ACSS3: variants seen among roughly 807,000 people sequenced by gnomAD.
The protein encoded by ACSS3 is acyl-CoA synthetase short chain family member 3.
ACSS3 carries 64 observed loss-of-function variants against 84.2 expected under a neutral mutation model. The observed-to-expected ratio is 0.76, with a 90% CI of 0.62 to 0.94. ACSS3 has a LOEUF of 0.94. ACSS3 is among the 40% of genes least tolerant of loss of function. The pLI, the probability that ACSS3 is intolerant of heterozygous loss-of-function variation, is 0.00. For synonymous variants in ACSS3, 317 were observed against 310.1 expected, an observed-to-expected ratio of 1.02 and a Z score of -0.23; for missense variants, 815 against 867.6, an observed-to-expected ratio of 0.94 and a Z score of 0.76.
chr12:81,107,549 T>TATATATAC (rs1883163172), intron 1 of ACSS3, among the ~76,000 whole-genome samples: 1 of 119,054 alleles, frequency 8.4e-6, no homozygotes, highest in South Asian at 2.7e-4. Flanking sequence ...TATATATATA[T>TATATATAC]ATATATATAT....
chr12:81,079,664 G>T (rs1303672695), intron 1 of ACSS3, among the ~76,000 whole-genome samples: 1 of 152,148 alleles, frequency 6.6e-6, no homozygotes, highest in South Asian at 2.1e-4. Flanking sequence ...ACAAGACACT[G>T]GGTGTTCAAC....
At chr12:81,254,508 T>A (rs1249959908) in intron 15 of ACSS3, among the ~76,000 whole-genome samples, 1 of 152,116 alleles carries the variant, frequency 6.6e-6, no homozygotes, top group Admixed American at 6.6e-5. Flanking sequence ...ATTTTTATCA[T>A]TAAGATAATA....
intron 1 of ACSS3, among the ~76,000 whole-genome samples, chr12:81,091,457 G>T (rs1385113462): frequency 6.6e-6 from 1 of 151,724 alleles, no homozygotes; most frequent in African/African-American, 2.4e-5. Context: ...AAAAATATTG[G>T]GTCTTGACTG....
chr12:81,161,109 A>C (rs944716514), intron 7 of ACSS3, among the ~76,000 whole-genome samples: 1 of 152,262 alleles, frequency 6.6e-6, no homozygotes, highest in African/African-American at 2.4e-5. Context: ...CCTGTAATCC[A>C]GTCACTTAAA....
chr12:81,134,635 A>G (rs1885691381), intron 2 of ACSS3, among the ~76,000 whole-genome samples, 181 bp from the exon 3 acceptor site: 1 of 152,174 alleles, frequency 6.6e-6, no homozygotes, highest in African/African-American at 2.4e-5. Flanking sequence ...ATCAATGATT[A>G]TAATACAATT....
At chr12:81,238,603 T>A (rs867093854) in intron 13 of ACSS3, among the ~76,000 whole-genome samples, 7 of 151,834 alleles carry the variant, frequency 4.6e-5, no homozygotes, top group Middle Eastern at 3.2e-3. Flanking sequence ...TCAGATTGTG[T>A]CTTTCAAGAA....
chr12:81,221,245 T>C (rs1018666386), intron 11 of ACSS3, among the ~76,000 whole-genome samples: 6 of 152,092 alleles, frequency 3.9e-5, no homozygotes, highest in Non-Finnish European at 8.8e-5. Context: ...CTGATTAACA[T>C]GATATTGACA....
intron 9 of ACSS3, among the ~76,000 whole-genome samples, chr12:81,213,583 TCCCCTCCCCTCCCCTCCCCTCCCCTCCC>T (rs2032687219): frequency 4.3e-5 from 1 of 23,068 alleles, no homozygotes; most frequent in African/African-American, 2.0e-4. Context: ...TCTCCTCTCC[TCCCCTCCCCTCCCCTCCCCTCCCCTCCC>T]CTCCCCTCCT....
intron 7 of ACSS3, among the ~76,000 whole-genome samples, chr12:81,162,813 G>A (rs1343075121): frequency 6.6e-6 from 1 of 152,184 alleles, no homozygotes; most frequent in Non-Finnish European, 1.5e-5. Context: ...GGGGGCCAAG[G>A]AGGTAGGGGG....
chr12:81,086,784 G>A (rs1376555376), intron 1 of ACSS3, among the ~76,000 whole-genome samples: 2 of 152,056 alleles, frequency 1.3e-5, no homozygotes, highest in Non-Finnish European at 2.9e-5. Context: ...CCATGAGGGA[G>A]ATCATTGCTT....
chr12:81,143,295 G>C, intron 5 of ACSS3, 48 bp downstream of exon 5: 1 of 1,430,962 alleles, frequency 7.0e-7, no homozygotes, highest in Non-Finnish European at 9.4e-7. Flanking sequence ...GATTTACTTT[G>C]CACCAAGAAT....
chr12:81,223,693 C>T (rs957770165), intron 11 of ACSS3, among the ~76,000 whole-genome samples: 1 of 151,966 alleles, frequency 6.6e-6, no homozygotes, highest in Non-Finnish European at 1.5e-5. Context: ...TCAATCTCTT[C>T]TGGGGAGATA....
intron 2 of ACSS3, among the ~76,000 whole-genome samples, chr12:81,118,229 G>A (rs187141676): frequency 1.4e-4 from 22 of 152,148 alleles, no homozygotes; most frequent in Admixed American, 8.5e-4. Context: ...AAATAAGGAC[G>A]TGCAGTAAAA....
At chr12:81,097,257 T>C (rs890288181) in intron 1 of ACSS3, among the ~76,000 whole-genome samples, 5 of 152,312 alleles carry the variant, frequency 3.3e-5, no homozygotes, top group Middle Eastern at 3.4e-3. Context: ...ATTTTTGGCT[T>C]TGCAGGCCAG....
intron 8 of ACSS3, among the ~76,000 whole-genome samples, chr12:81,187,453 G>A (rs1229998532): frequency 6.6e-6 from 1 of 151,788 alleles, no homozygotes; most frequent in Non-Finnish European, 1.5e-5. Flanking sequence ...ACAAATATGA[G>A]CTCATATTCA....
rs2034305070 is a variant in ACSS3 at position 81,256,522 on chromosome 12, ATTGTATCTTTGATCGTTCTTC to A, written c.*1601_*1621del. 6.6e-6 allele frequency: 1 copy of A among 152,174 alleles called. No homozygotes were observed. The highest frequency in any genetic ancestry group is 2.4e-5 in the African/African-American group (1 of 41,456). 9.4% of individuals were successfully genotyped at this position (152,174 alleles called of 1,614,324 possible). A position where few individuals can be genotyped will look rare whatever the true frequency, so the allele number is the denominator to read the frequency against. On this transcript the variant is annotated 3_prime_UTR_variant, in exon 16 of 16. Coordinates refer to ENST00000548058, the MANE Select transcript of ACSS3 (RefSeq NM_024560.4). ...TTTAACCCAAAAGTATACCATGCTCATTGTATCTTTGATCGTTCTTCAAGTATTTCTCAATCTTTTAATCTA... is the reference window on the plus strand; with the variant it reads ...TTTAACCCAAAAGTATACCATGCTCAAAGTATTTCTCAATCTTTTAATCTA...
chr12:81,258,180 TG>T lies in ACSS3; in HGVS notation c.*3261del, dbSNP rs1205288628. Reference sequence around the variant, plus strand: ...AGACTCAATTTTGAAGCTAAATATTTGGGTCACCCAAAGAACACATTTCCTG... The same window carrying T: ...AGACTCAATTTTGAAGCTAAATATTTGGTCACCCAAAGAACACATTTCCTG... On this transcript the variant is annotated 3_prime_UTR_variant, in exon 16 of 16. Transcript: ENST00000548058. The T allele has an allele frequency of 6.6e-6, 1 of 152,148 alleles. No individual in the cohort carries two copies. Among genetic ancestry groups the T allele is most frequent in the Non-Finnish European group, 1.5e-5 (1 of 68,026 alleles). 9.4% of individuals were successfully genotyped at this position (152,148 alleles called of 1,614,324 possible).
chr12:81,235,871 T>C (rs1485234857), intron 13 of ACSS3, among the ~76,000 whole-genome samples: 3 of 151,498 alleles, frequency 2.0e-5, no homozygotes, highest in African/African-American at 4.8e-5. Flanking sequence ...GTATTTTTGG[T>C]AGACTTGTTG....
chr12:81,142,553 G>T (rs1271956316), intron 4 of ACSS3, among the ~76,000 whole-genome samples: 1 of 152,118 alleles, frequency 6.6e-6, no homozygotes, highest in Non-Finnish European at 1.5e-5. Context: ...TTCAAAACTG[G>T]ATTTTAGTCT....
Sources: allele counts gnomAD v4.1 joint callset (sites outside exome capture counted in the v4.1 genomes callset), GRCh38; gene constraint gnomAD v4.1.1; transcripts MANE v1.5; gene names NCBI Gene and HGNC (gene_info 2026-07-23, HGNC 2026-07-21).